The following SERPINA6 variants were observed in gnomAD, a reference collection of about 807,000 sequenced individuals.
SERPINA6 encodes corticosteroid-binding globulin.
Under a neutral mutation model 26.4 loss-of-function variants are expected in SERPINA6, and 19 were observed. That is an observed-to-expected ratio of 0.72 (90% CI 0.50 to 1.06). SERPINA6 has a LOEUF of 1.06. Ranked by LOEUF, SERPINA6 falls within the 50% of genes least tolerant of loss-of-function variation. SERPINA6 has a pLI of 0.00. For synonymous variants in SERPINA6, 196 were observed against 199.4 expected (o/e 0.98, Z 0.14); for missense variants, 473 against 504.0 (o/e 0.94, Z 0.59).
chr14:94,311,917 C>T (rs1895535688), intron 2 of SERPINA6, among the ~76,000 whole-genome samples: 1 of 152,042 alleles, frequency 6.6e-6, no homozygotes, highest in Admixed American at 6.6e-5. Flanking sequence ...CACTGCACTC[C>T]AGCCTGGGCA....
chr14:94,323,043 G>T (rs1198336309), intron 1 of SERPINA6, among the ~76,000 whole-genome samples: 1 of 152,204 alleles, frequency 6.6e-6, no homozygotes, highest in Non-Finnish European at 1.5e-5. Context: ...CCCCTGCATG[G>T]CAGGAACCCA....
Position 94,306,230 on chromosome 14 carries a change from A to G in SERPINA6, c.885-12T>C. On this transcript the variant is annotated splice_polypyrimidine_tract_variant and intron_variant, in intron 3 of 4. Transcript: ENST00000341584. ...ACAGGTCCACCTGGCTGCTCGGGGTAAGCAGACAGAGTTAGACATTCCAGG... is the reference window on the plus strand; with the variant it reads ...ACAGGTCCACCTGGCTGCTCGGGGTGAGCAGACAGAGTTAGACATTCCAGG... 1 of 1,614,084 alleles carries G rather than the reference A, an allele frequency of 6.2e-7. No individual in the cohort carries two copies. The highest frequency in any genetic ancestry group is 8.5e-7 in the Non-Finnish European group (1 of 1,179,992).
chr14:94,314,761 C>A, intron 1 of SERPINA6, 94 bp from the exon 2 acceptor site: 2 of 1,207,656 alleles, frequency 1.7e-6, no homozygotes, highest in Non-Finnish European at 1.2e-6. Context: ...CCCATTCAAG[C>A]CCCAGTTCCT....
intron 3 of SERPINA6, among the ~76,000 whole-genome samples, chr14:94,306,701 T>C (rs867694041): frequency 2.0e-5 from 3 of 152,318 alleles, no homozygotes; most frequent in African/African-American, 7.2e-5. Context: ...CAAAGGTGGT[T>C]GAACACAGGC....
intron 3 of SERPINA6, 121 bp from the exon 4 acceptor site, chr14:94,306,339 T>G: frequency 9.7e-7 from 1 of 1,034,034 alleles, no homozygotes; most frequent in Non-Finnish European, 1.5e-6. Flanking sequence ...GCTCCTGCCC[T>G]CCAGCCTGAC....
intron 1 of SERPINA6, among the ~76,000 whole-genome samples, chr14:94,317,021 G>A (rs139316782): frequency 8.1e-4 from 123 of 152,238 alleles, no homozygotes; most frequent in Admixed American, 2.7e-3. Flanking sequence ...GGCAGATTGT[G>A]GGACTTCTCA....
intron 3 of SERPINA6, among the ~76,000 whole-genome samples, chr14:94,309,399 C>T (rs1441696541): frequency 1.3e-5 from 2 of 152,128 alleles, no homozygotes; most frequent in African/African-American, 2.4e-5. Context: ...GATAACAAAA[C>T]AGATAAGTGT....
intron 2 of SERPINA6, among the ~76,000 whole-genome samples, chr14:94,313,332 A>G (rs181681655): frequency 3.5e-4 from 54 of 152,334 alleles, no homozygotes; most frequent in African/African-American, 1.2e-3. Context: ...AGAGGGAATC[A>G]TAATTGCTAA....
Position 94,314,064 on chromosome 14 carries a change from G to A in SERPINA6, c.585C>T (p.Leu195=), listed in dbSNP as rs758836616. The A allele has an allele frequency of 1.1e-5, 18 of 1,614,028 alleles. No homozygotes were observed. Among genetic ancestry groups the A allele is most frequent in the Middle Eastern group, 3.3e-4 (2 of 6,084 alleles). The change falls in exon 2 of 5, where the codon CTC becomes CTT. Residue 195 remains leucine (L), a synonymous_variant. Coordinates refer to ENST00000341584, the MANE Select transcript of SERPINA6 (RefSeq NM_001756.4). ...TGAAGAAGATATAGTTGACCAGGAC[G>A]AGGATGGCTGGGCTATCCAGCCCTG... The part of the protein sequence containing the change: ...LFSGLDSPAI[L]VLVNYIFFKG...
intron 1 of SERPINA6, among the ~76,000 whole-genome samples, chr14:94,321,922 A>G (rs1331357440): frequency 6.6e-6 from 1 of 152,204 alleles, no homozygotes; most frequent in Non-Finnish European, 1.5e-5. Flanking sequence ...GGGAGATTGC[A>G]TGTCTCACCT....
intron 1 of SERPINA6, among the ~76,000 whole-genome samples, chr14:94,318,962 A>C (rs951138697): frequency 5.3e-5 from 8 of 152,232 alleles, no homozygotes; most frequent in African/African-American, 1.9e-4. Context: ...ACCCAAGAAC[A>C]ACAACAAAAC....
intron 4 of SERPINA6, among the ~76,000 whole-genome samples, chr14:94,305,644 A>G (rs1895426670): frequency 6.6e-6 from 1 of 152,218 alleles, no homozygotes; most frequent in South Asian, 2.1e-4. Context: ...TTCTGAATGC[A>G]TGAATAACAG....
chr14:94,319,393 A>G (rs1895653897), intron 1 of SERPINA6, among the ~76,000 whole-genome samples: 1 of 152,246 alleles, frequency 6.6e-6, no homozygotes, highest in Non-Finnish European at 1.5e-5. Flanking sequence ...GGAAAACAAT[A>G]TGACAGTTCT....
intron 2 of SERPINA6, among the ~76,000 whole-genome samples, chr14:94,313,676 C>T (rs1895565764): frequency 6.6e-6 from 1 of 152,088 alleles, no homozygotes; most frequent in Admixed American, 6.5e-5. Flanking sequence ...TGGGAGTTCC[C>T]AAGGGGCTGG....
At chr14:94,309,666 C>T in intron 3 of SERPINA6, 70 bp downstream of exon 3, 1 of 1,565,438 alleles carries the variant, frequency 6.4e-7, no homozygotes, top group Non-Finnish European at 8.7e-7. Context: ...CAGCATACTC[C>T]CTTTCCACGT....
Position 94,304,317 on chromosome 14 carries a change from C to T in SERPINA6, c.*101G>A. 8.5e-7 allele frequency: 1 copy of T among 1,172,382 alleles called. No homozygotes were observed. The highest frequency in any genetic ancestry group is 1.2e-5 in the South Asian group (1 of 81,884). The allele number at this position is 1,172,382 out of a possible 1,614,324, so 72.6% of individuals were successfully genotyped here. On this transcript the variant is annotated 3_prime_UTR_variant, in exon 5 of 5. Coordinates refer to ENST00000341584, the MANE Select transcript of SERPINA6 (RefSeq NM_001756.4). ...ACAACTCTGGTTGGAGGGAGAAGAA[C>T]TTGGAGGAGATTGGGGGAAACCTCC...
intron 3 of SERPINA6, among the ~76,000 whole-genome samples, chr14:94,308,191 C>T (rs1490594140): frequency 3.9e-5 from 6 of 152,244 alleles, no homozygotes; most frequent in Admixed American, 3.3e-4. Context: ...CAGCCCTTCC[C>T]CATTCCCGGG....
intron 1 of SERPINA6, among the ~76,000 whole-genome samples, chr14:94,319,292 A>T (rs562958467): frequency 0.016 from 2,445 of 152,088 alleles, 43 homozygotes; most frequent in African/African-American, 0.039. Context: ...CTTTAAAAAA[A>T]TTTTTTTTTT....
At chr14:94,308,976 A>C (rs567772197) in intron 3 of SERPINA6, among the ~76,000 whole-genome samples, 1 of 152,164 alleles carries the variant, frequency 6.6e-6, no homozygotes, top group African/African-American at 2.4e-5. Context: ...TCACTCATTC[A>C]TTCTTCCATC....
Sources: allele counts gnomAD v4.1 joint callset (sites outside exome capture counted in the v4.1 genomes callset), GRCh38; gene constraint gnomAD v4.1.1; transcripts MANE v1.5; gene names NCBI Gene and HGNC (gene_info 2026-07-23, HGNC 2026-07-21).